The following PDE4D variants were observed in gnomAD, a reference collection of about 807,000 sequenced individuals.
PDE4D encodes phosphodiesterase 4D, also known as 3',5'-cyclic-AMP phosphodiesterase 4D.
A neutral mutation model predicts 87.4 loss-of-function variants in PDE4D; 24 were observed. The observed-to-expected ratio is 0.27, with a 90% confidence interval of 0.20 to 0.39. The LOEUF (loss-of-function observed/expected upper bound fraction) is 0.39. Among genes scored for constraint, PDE4D ranks in the 10% least tolerant of loss-of-function variants. PDE4D has a pLI of 1.00. For synonymous variants in PDE4D, 384 were observed against 383.2 expected, an observed-to-expected ratio of 1.00 and a Z score of -0.02; for missense variants, 714 against 1,041.0, an observed-to-expected ratio of 0.69 and a Z score of 4.32.
chr5:59,655,080 ACT>A (rs1356381183), intron 1 of PDE4D, among the ~76,000 whole-genome samples: 5 of 151,672 alleles, frequency 3.3e-5, no homozygotes, highest in African/African-American at 9.7e-5. Context: ...GGATCATATA[ACT>A]CTGTGTTTAA....
intron 5 of PDE4D, among the ~76,000 whole-genome samples, chr5:59,061,374 T>C (rs1478594940): frequency 1.3e-5 from 2 of 152,126 alleles, no homozygotes; most frequent in African/African-American, 4.8e-5. Flanking sequence ...TTACGGACCA[T>C]GACTATCTTA....
intron 1 of PDE4D, among the ~76,000 whole-genome samples, chr5:59,688,804 C>A (rs1380908281): frequency 6.6e-6 from 1 of 151,986 alleles, no homozygotes; most frequent in Non-Finnish European, 1.5e-5. Flanking sequence ...AAAAGATCAA[C>A]AAAATTGACG....
At chr5:59,407,363 A>T (rs547697418) in intron 1 of PDE4D, among the ~76,000 whole-genome samples, 2 of 152,346 alleles carry the variant, frequency 1.3e-5, no homozygotes, top group East Asian at 3.9e-4. Flanking sequence ...TACAGCCTGC[A>T]GAACTGCAAG....
At chr5:59,090,020 A>G (rs1324118557) in intron 5 of PDE4D, among the ~76,000 whole-genome samples, 1 of 152,114 alleles carries the variant, frequency 6.6e-6, no homozygotes, top group Non-Finnish European at 1.5e-5. Context: ...GTGGGAAGCA[A>G]GAAGGTATGA....
intron 1 of PDE4D, among the ~76,000 whole-genome samples, chr5:59,678,979 C>T (rs1466000296): frequency 6.6e-6 from 1 of 152,160 alleles, no homozygotes; most frequent in African/African-American, 2.4e-5. Context: ...TACCCCTTTC[C>T]TAGACTGAGC....
At chr5:58,987,108 A>G (rs1040638753) in intron 11 of PDE4D, among the ~76,000 whole-genome samples, 3 of 152,190 alleles carry the variant, frequency 2.0e-5, no homozygotes, top group African/African-American at 7.2e-5. Flanking sequence ...GCCAGCATGC[A>G]CTGTATTGCA....
chr5:60,318,322 C>T (rs375428539), intron 1 of PDE4D, among the ~76,000 whole-genome samples: 5 of 151,832 alleles, frequency 3.3e-5, no homozygotes, highest in African/African-American at 9.7e-5. Flanking sequence ...CCTTTTTTTG[C>T]TTTCCATTTG....
chr5:59,738,222 C>T (rs1005304155), intron 1 of PDE4D, among the ~76,000 whole-genome samples: 1 of 152,056 alleles, frequency 6.6e-6, no homozygotes, highest in Non-Finnish European at 1.5e-5. Flanking sequence ...TGCTGAGCAA[C>T]ACATGCAACA....
chr5:59,369,579 G>A (rs991824122), intron 1 of PDE4D, among the ~76,000 whole-genome samples: 1 of 152,140 alleles, frequency 6.6e-6, no homozygotes, highest in Non-Finnish European at 1.5e-5. Context: ...AATCTCCCCA[G>A]GGACCTTTTG....
At chr5:59,248,136 ATAT>A (rs761397841) in intron 1 of PDE4D, among the ~76,000 whole-genome samples, 4 of 148,534 alleles carry the variant, frequency 2.7e-5, no homozygotes, top group Non-Finnish European at 5.9e-5. Context: ...TTATGTCAAA[ATAT>A]TATCTATTTT....
chr5:59,803,113 G>A (rs991596537), intron 1 of PDE4D, among the ~76,000 whole-genome samples: 1 of 152,096 alleles, frequency 6.6e-6, no homozygotes, highest in South Asian at 2.1e-4. Context: ...ATGACCAGAG[G>A]AATCCTCACC....
chr5:60,354,181 G>A (rs1270039701), intron 1 of PDE4D, among the ~76,000 whole-genome samples: 5 of 152,124 alleles, frequency 3.3e-5, no homozygotes, highest in African/African-American at 4.8e-5. Flanking sequence ...TGGGGGAAAG[G>A]AGGTATATTT....
At chr5:59,570,620 A>G (rs1319377107) in intron 1 of PDE4D, among the ~76,000 whole-genome samples, 1 of 149,138 alleles carries the variant, frequency 6.7e-6, no homozygotes, top group Non-Finnish European at 1.5e-5. Flanking sequence ...CAATGCTTTC[A>G]GGAGTATACA....
At chr5:59,319,603 C>A (rs1774358685) in intron 1 of PDE4D, among the ~76,000 whole-genome samples, 1 of 152,014 alleles carries the variant, frequency 6.6e-6, no homozygotes, top group African/African-American at 2.4e-5. Context: ...TGTGTTTATT[C>A]TTTTGTGTGA....
At chr5:60,441,224 C>T (rs1036863579) in intron 1 of PDE4D, among the ~76,000 whole-genome samples, 1 of 152,138 alleles carries the variant, frequency 6.6e-6, no homozygotes, top group Non-Finnish European at 1.5e-5. Flanking sequence ...TAGCACGGTA[C>T]TGGCACCAAA....
At chr5:59,610,175 G>A (rs1035318186) in intron 1 of PDE4D, among the ~76,000 whole-genome samples, 1 of 152,134 alleles carries the variant, frequency 6.6e-6, no homozygotes, top group Non-Finnish European at 1.5e-5. Context: ...TGACATCCTG[G>A]GCAGATCCAT....
At chr5:59,834,576 C>T (rs1468234640) in intron 1 of PDE4D, among the ~76,000 whole-genome samples, 1 of 151,940 alleles carries the variant, frequency 6.6e-6, no homozygotes, top group Non-Finnish European at 1.5e-5. Context: ...TTCACCAACC[C>T]GTGGATAATT....
At chr5:59,901,850 G>A (rs562489170) in intron 3 of PDE4D, among the ~76,000 whole-genome samples, 12 of 150,628 alleles carry the variant, frequency 8.0e-5, no homozygotes, top group South Asian at 4.2e-4. Flanking sequence ...ATCTGGTAAA[G>A]GTAAACATTC....
intron 1 of PDE4D, among the ~76,000 whole-genome samples, chr5:59,238,502 A>T (rs951027814): frequency 1.3e-5 from 2 of 152,168 alleles, no homozygotes; most frequent in Non-Finnish European, 2.9e-5. Flanking sequence ...TTATGAATGG[A>T]GAAGGAAAAA....
Sources: gnomAD v4.1 joint callset for allele counts (sites outside exome capture counted in the v4.1 genomes callset) on GRCh38, gnomAD v4.1.1 for gene constraint, MANE v1.5 for transcripts, NCBI Gene and HGNC (gene_info 2026-07-23, HGNC 2026-07-21) for gene names.